The following ITIH2 variants were observed in gnomAD, a reference collection of about 807,000 sequenced individuals.
ITIH2 encodes inter-alpha-trypsin inhibitor heavy chain H2.
ITIH2 carries 103 observed loss-of-function variants against 104.4 expected under a neutral mutation model. The ratio of observed to expected loss-of-function variants is 0.99; its 90% CI spans 0.84 to 1.16. The LOEUF is 1.16. Among genes scored for constraint, ITIH2 ranks in the 50% most tolerant of loss-of-function variants. The pLI is 0.00. For missense variants in ITIH2, 1,108 were observed against 1,162.4 expected, an observed-to-expected ratio of 0.95 and a Z score of 0.68; for synonymous variants, 436 against 435.4, an observed-to-expected ratio of 1.00 and a Z score of -0.02.
At chr10:7,725,278 G>A (rs890404536) in intron 9 of ITIH2, among the ~76,000 whole-genome samples, 6 of 152,290 alleles carry the variant, frequency 3.9e-5, no homozygotes, top group African/African-American at 1.4e-4. Context: ...TGGTTTCCTG[G>A]AGAAGACCTC....
chr10:7,715,153 T>G (rs900364539), intron 5 of ITIH2, among the ~76,000 whole-genome samples: 3 of 152,180 alleles, frequency 2.0e-5, no homozygotes, highest in East Asian at 1.9e-4. Context: ...CCAGGCGTGG[T>G]GGCTCACGCC....
At chr10:7,705,071 T>TA (rs113278189) in intron 1 of ITIH2, 37 bp from the exon 2 acceptor site, 53,801 of 1,011,132 alleles carry the variant, frequency 0.053, 49 homozygotes, top group East Asian at 0.064. Flanking sequence ...ACAGTATAAT[T>TA]AAAAAAAAAA....
At position 7,717,689 on chromosome 10, in the gene ITIH2, G is replaced by A. The variant is rs140264160; in HGVS notation, c.531G>A (p.Val177=). 859 of 1,613,776 alleles carry A rather than the reference G, an allele frequency of 5.3e-4. 6 individuals carry two copies. The African/African-American group carries it at 9.4e-3, about 18-fold the overall frequency. The change falls in exon 6 of 21, where the codon GTG becomes GTA. Residue 177 remains valine, a synonymous_variant. Coordinates refer to ENST00000358415, the MANE Select transcript of ITIH2 (RefSeq NM_002216.3). ...TEVNVLPGAK[V]QFELHYQEVK... ...TAAATGTCCTCCCAGGAGCAAAGGT[G>A]CAGTTCGAACTTCACTACCAGGAGG... is the stretch of plus-strand genomic sequence containing the variant.
intron 16 of ITIH2, 70 bp from the exon 17 acceptor site, chr10:7,743,076 G>A (rs1835142101): frequency 1.3e-6 from 1 of 757,862 alleles, no homozygotes; most frequent in Non-Finnish European, 2.3e-6. Flanking sequence ...AGATGTTCAG[G>A]AATGACATAG....
Position 7,723,352 on chromosome 10 carries a change from C to G in ITIH2, c.868-99C>G, listed in dbSNP as rs1056322310. 8 of 780,036 alleles carry G rather than the reference C, an allele frequency of 1.0e-5. No individual in the cohort carries two copies. The African/African-American group carries it at 1.2e-4, about 12-fold the overall frequency. 48.3% of individuals were successfully genotyped at this position (780,036 alleles called of 1,614,324 possible). ...TGCACATCAAGCTCCGCCTCCTCCT[C>G]CCTGTAGACCCCTCTCTTCTCTGAG... On this transcript the variant is annotated intron_variant, in intron 8 of 20. Coordinates refer to ENST00000358415, the MANE Select transcript of ITIH2 (RefSeq NM_002216.3).
At position 7,731,946 on chromosome 10, in the gene ITIH2, T is replaced by G; in HGVS notation, c.1597T>G (p.Phe533Val). Residue 533 changes from phenylalanine to valine, a missense_variant, in exon 13 of 21, where the codon TTT (phenylalanine) becomes GTT (valine). By Grantham distance (50) the Phe-to-Val change is conservative. Coordinates refer to ENST00000358415, the MANE Select transcript of ITIH2 (RefSeq NM_002216.3). ...GGSEIVVAGK[F>V]DPAKLDQIES... ...CTCAGAGATTGTGGTGGCAGGAAAATTTGACCCTGCTAAATTGGATCAAAT... is the reference window on the plus strand; with the variant it reads ...CTCAGAGATTGTGGTGGCAGGAAAAGTTGACCCTGCTAAATTGGATCAAAT... The G allele has an allele frequency of 3.7e-6, 6 of 1,613,944 alleles. No homozygotes were observed. Among genetic ancestry groups the G allele is most frequent in the Non-Finnish European group, 5.1e-6 (6 of 1,179,972 alleles).
chr10:7,724,961 G>A (rs890847430), intron 9 of ITIH2, among the ~76,000 whole-genome samples: 4 of 151,848 alleles, frequency 2.6e-5, no homozygotes, highest in African/African-American at 4.8e-5. Context: ...AAATATTTAC[G>A]AAGCACCTAC....
chr10:7,732,039 C>T, intron 13 of ITIH2, 43 bp downstream of exon 13: 1 of 1,454,952 alleles, frequency 6.9e-7, no homozygotes, highest in Non-Finnish European at 9.6e-7. Flanking sequence ...AACTGACCCC[C>T]TAGATACAGT....
intron 9 of ITIH2, 83 bp from the exon 10 acceptor site, chr10:7,726,867 C>G: frequency 8.6e-7 from 1 of 1,167,426 alleles, no homozygotes; most frequent in Non-Finnish European, 1.2e-6. Context: ...GAAAGATGAC[C>G]AGGATCAATG....
intron 10 of ITIH2, 26 bp downstream of exon 10, chr10:7,727,144 G>T (rs1251280614): frequency 1.0e-5 from 16 of 1,582,716 alleles, no homozygotes; most frequent in Non-Finnish European, 1.4e-5. Flanking sequence ...TAAATCCCAA[G>T]GAGACACTTC....
chr10:7,709,086 C>T lies in ITIH2; in HGVS notation c.257C>T (p.Ala86Val), dbSNP rs1834772932. ...CAGTCTACTATTACTTCTCGGATGG[C>T]CACCACCATGATCCAGAGCAAAGTG... ...KVQSTITSRM[A>V]TTMIQSKVVN... is the part of the protein sequence containing the mutation. Residue 86 changes from alanine (A) to valine (V), a missense_variant, in exon 4 of 21, where the codon GCC (alanine) becomes GTC (valine). Ala to Val is a moderately conservative substitution (Grantham distance 64). Coordinates refer to ENST00000358415, the MANE Select transcript of ITIH2 (RefSeq NM_002216.3). 6.2e-7 allele frequency: 1 copy of T among 1,613,774 alleles called. No individual in the cohort carries two copies. The highest frequency in any genetic ancestry group is 1.7e-4 in the Middle Eastern group (1 of 6,060).
At chr10:7,721,515 A>G (rs574276402) in intron 7 of ITIH2, 134 bp from the exon 8 acceptor site, 6 of 752,718 alleles carry the variant, frequency 8.0e-6, no homozygotes, top group Non-Finnish European at 1.3e-5. Context: ...CCCATCAGTA[A>G]TGGGTCCACC....
intron 6 of ITIH2, among the ~76,000 whole-genome samples, chr10:7,719,760 C>CAAAAAAAAA (rs71385664): frequency 6.0e-4 from 25 of 41,682 alleles, no homozygotes; most frequent in East Asian, 7.7e-4. Context: ...GACCCTGTCT[C>CAAAAAAAAA]AAAAAAAAAA....
Position 7,731,845 on chromosome 10 carries a change from G to T in ITIH2, c.1496G>T (p.Arg499Leu), listed in dbSNP as rs751096539. 6 of 1,612,862 alleles carry T rather than the reference G, an allele frequency of 3.7e-6. No individual in the cohort carries two copies. The highest frequency in any genetic ancestry group is 1.7e-6 in the Non-Finnish European group (2 of 1,179,302). The change falls in exon 13 of 21, where the codon CGG becomes CTG. Residue 499 changes from arginine (R) to leucine (L), a missense_variant. Coordinates refer to ENST00000358415, the MANE Select transcript of ITIH2 (RefSeq NM_002216.3). Reference sequence around the variant, plus strand: ...AACCAGGTCTCCACTCCATTGCTCCGGAATGTTCAGTTCAACTATCCCCAT... The same window carrying T: ...AACCAGGTCTCCACTCCATTGCTCCTGAATGTTCAGTTCAACTATCCCCAT... ...FYNQVSTPLL[R>L]NVQFNYPHTS... is the part of the protein sequence containing the mutation.
At chr10:7,717,469 G>A (rs2130944227) in intron 5 of ITIH2, among the ~76,000 whole-genome samples, 157 bp from the exon 6 acceptor site, 1 of 152,310 alleles carries the variant, frequency 6.6e-6, no homozygotes, top group South Asian at 2.1e-4. Context: ...AACTGATCTA[G>A]AAGCTGCACT....
At chr10:7,713,052 G>A (rs1419302162) in intron 4 of ITIH2, 129 bp from the exon 5 acceptor site, 2 of 640,128 alleles carry the variant, frequency 3.1e-6, no homozygotes, top group Non-Finnish European at 5.4e-6. Flanking sequence ...CCCAGGAGGT[G>A]GAGGTTGCAC....
chr10:7,734,951 G>A lies in ITIH2; in HGVS notation c.1817G>A (p.Arg606Lys). Residue 606 changes from arginine (R) to lysine (K), a missense_variant, in exon 15 of 21, where the codon AGA becomes AAA. Transcript: ENST00000358415. Reference sequence around the variant, plus strand: ...CTGGCTCCTACAGCTGCCGCCAAGAGAAGAATTACAAGATCGATCCTGCAG... The same window carrying A: ...CTGGCTCCTACAGCTGCCGCCAAGAAAAGAATTACAAGATCGATCCTGCAG... ...RSLAPTAAAK[R>K]RITRSILQMS... The A allele has an allele frequency of 1.9e-6, 3 of 1,613,408 alleles. No homozygotes were observed. Among genetic ancestry groups the A allele is most frequent in the Non-Finnish European group, 2.5e-6 (3 of 1,179,958 alleles).
At chr10:7,720,698 G>A (rs796688314) in intron 6 of ITIH2, among the ~76,000 whole-genome samples, 158 bp from the exon 7 acceptor site, 9 of 152,356 alleles carry the variant, frequency 5.9e-5, no homozygotes, top group African/African-American at 1.9e-4. Flanking sequence ...GAATCCCATC[G>A]CAGGAACTTG....
intron 8 of ITIH2, among the ~76,000 whole-genome samples, chr10:7,722,976 G>T (rs1056257514): frequency 6.6e-6 from 1 of 151,866 alleles, no homozygotes; most frequent in Non-Finnish European, 1.5e-5. Context: ...GGAGTGGAGT[G>T]AAGTGGCGTG....
Sources: allele counts gnomAD v4.1 joint callset (sites outside exome capture counted in the v4.1 genomes callset), GRCh38; gene constraint gnomAD v4.1.1; transcripts MANE v1.5; gene names NCBI Gene and HGNC (gene_info 2026-07-23, HGNC 2026-07-21).